Variants in KALRN observed in about 807,000 individuals in gnomAD.
The protein encoded by KALRN is kalirin.
A neutral mutation model predicts 353.7 loss-of-function variants in KALRN; 70 were observed. That is an observed-to-expected ratio of 0.20 (90% CI 0.16 to 0.24). KALRN has a LOEUF of 0.24. Ranked by LOEUF, KALRN falls within the 10% of genes least tolerant of loss-of-function variation. KALRN has a pLI of 1.00. For missense variants in KALRN, 2,791 were observed against 3,756.7 expected (o/e 0.74, Z 6.72); for synonymous variants, 1,391 against 1,434.8 (o/e 0.97, Z 0.69).
chr3:124,495,747 A>C (rs562586992), intron 32 of KALRN, among the ~76,000 whole-genome samples: 75 of 148,070 alleles, frequency 5.1e-4, no homozygotes, highest in African/African-American at 1.8e-3. Flanking sequence ...AAAAAAAAAA[A>C]AAAAGAAGAA....
chr3:124,141,757 G>C (rs532660148), intron 1 of KALRN, among the ~76,000 whole-genome samples: 1 of 152,268 alleles, frequency 6.6e-6, no homozygotes, highest in East Asian at 1.9e-4. Flanking sequence ...TTTGCCCCAG[G>C]AATCTGCCCT....
At chr3:124,243,293 C>T (rs915053787) in intron 3 of KALRN, among the ~76,000 whole-genome samples, 2 of 152,160 alleles carry the variant, frequency 1.3e-5, no homozygotes, top group African/African-American at 4.8e-5. Context: ...CTCATGGAAA[C>T]GCTGTGAACA....
chr3:124,058,958 TGTTA>T (rs2041787553), intron 1 of KALRN, among the ~76,000 whole-genome samples: 1 of 152,240 alleles, frequency 6.6e-6, no homozygotes, highest in Non-Finnish European at 1.5e-5. Context: ...CTCTGTTGAT[TGTTA>T]GTTTACACTT....
chr3:124,184,935 A>G (rs1287869461), intron 1 of KALRN, among the ~76,000 whole-genome samples: 1 of 152,202 alleles, frequency 6.6e-6, no homozygotes, highest in East Asian at 1.9e-4. Context: ...GTATGAATGC[A>G]TTTAAATGAT....
chr3:124,401,850 G>T (rs919292060), intron 13 of KALRN, among the ~76,000 whole-genome samples: 1 of 152,162 alleles, frequency 6.6e-6, no homozygotes, highest in Non-Finnish European at 1.5e-5. Flanking sequence ...ATTTTTGAGG[G>T]TGTTGAGATT....
chr3:124,174,707 A>G (rs1342718574), intron 1 of KALRN, among the ~76,000 whole-genome samples: 7 of 152,116 alleles, frequency 4.6e-5, no homozygotes, highest in Non-Finnish European at 8.8e-5. Context: ...AGCCTCTGCC[A>G]ACTCCTCTCC....
intron 36 of KALRN, 123 bp from the exon 37 acceptor site, chr3:124,637,085 G>T (rs1018797640): frequency 6.4e-6 from 5 of 776,792 alleles, no homozygotes; most frequent in Non-Finnish European, 1.1e-5. Flanking sequence ...CACCTCTTCC[G>T]TCTAAACACA....
At chr3:124,480,753 C>T (rs2061903535) in intron 27 of KALRN, among the ~76,000 whole-genome samples, 1 of 152,168 alleles carries the variant, frequency 6.6e-6, no homozygotes, top group Non-Finnish European at 1.5e-5. Context: ...TACTTTATGT[C>T]TCTACAGATA....
At chr3:124,061,224 C>T (rs1419613600) in intron 1 of KALRN, among the ~76,000 whole-genome samples, 1 of 152,190 alleles carries the variant, frequency 6.6e-6, no homozygotes, top group African/African-American at 2.4e-5. Flanking sequence ...TTCATTGCTG[C>T]ACTCAGATCT....
At chr3:124,227,671 T>TTG (rs1560289021) in intron 1 of KALRN, among the ~76,000 whole-genome samples, 2 of 20,428 alleles carry the variant, frequency 9.8e-5, no homozygotes, top group East Asian at 7.0e-4. Context: ...CTGTTTTTTT[T>TTG]TTTTTTTTTT....
chr3:124,329,539 T>C (rs909795728), intron 7 of KALRN, among the ~76,000 whole-genome samples: 3 of 152,166 alleles, frequency 2.0e-5, no homozygotes, highest in Non-Finnish European at 2.9e-5. Flanking sequence ...ATCCGTGGAA[T>C]GTGGTGAGCT....
Position 124,477,209 on chromosome 3 carries a change from T to C in KALRN, c.4102-36T>C, listed in dbSNP as rs2061510270. ...ATGGTGGACAGAAGGGAACAACTAA[T>C]GAATGCTTATCTATTATTATCTTTG... On this transcript the variant is annotated intron_variant, in intron 26 of 59. Coordinates refer to ENST00000682506, the MANE Select transcript of KALRN (RefSeq NM_001388419.1). 1.4e-6 allele frequency: 2 copies of C among 1,464,470 alleles called. 1 individual carries two copies. The highest frequency in any genetic ancestry group is 1.9e-6 in the Non-Finnish European group (2 of 1,044,216). 90.7% of individuals were successfully genotyped at this position (1,464,470 alleles called of 1,614,324 possible).
intron 1 of KALRN, among the ~76,000 whole-genome samples, chr3:124,202,302 T>C (rs1310098691): frequency 6.6e-6 from 1 of 152,178 alleles, no homozygotes; most frequent in Non-Finnish European, 1.5e-5. Context: ...CAAGGCTGGA[T>C]TGCAGTGGTG....
At chr3:124,617,547 A>G (rs1292007475) in intron 34 of KALRN, among the ~76,000 whole-genome samples, 2 of 152,248 alleles carry the variant, frequency 1.3e-5, no homozygotes, top group Non-Finnish European at 2.9e-5. Flanking sequence ...TAAAGGGTGT[A>G]TAAGCAGGGA....
At chr3:124,512,388 A>G (rs1225072501) in intron 33 of KALRN, among the ~76,000 whole-genome samples, 2 of 152,168 alleles carry the variant, frequency 1.3e-5, no homozygotes, top group African/African-American at 2.4e-5. Context: ...GCGGTGGCTT[A>G]CGCCTATAAT....
intron 55 of KALRN, among the ~76,000 whole-genome samples, chr3:124,698,464 C>A (rs2062165688): frequency 6.6e-6 from 1 of 152,186 alleles, no homozygotes; most frequent in Non-Finnish European, 1.5e-5. Context: ...TAAGATGATC[C>A]AAACCTCCCT....
intron 15 of KALRN, among the ~76,000 whole-genome samples, chr3:124,424,966 G>A (rs1027523986): frequency 6.6e-6 from 1 of 152,120 alleles, no homozygotes; most frequent in African/African-American, 2.4e-5. Flanking sequence ...GCCTCTGCTG[G>A]CCCCCACTCT....
chr3:124,568,016 A>G (rs1034977848), intron 34 of KALRN, among the ~76,000 whole-genome samples: 1 of 152,098 alleles, frequency 6.6e-6, no homozygotes, highest in African/African-American at 2.4e-5. Flanking sequence ...AGTGATTCTG[A>G]TGTTCCCTTA....
intron 5 of KALRN, among the ~76,000 whole-genome samples, chr3:124,278,957 C>G (rs978393106): frequency 2.6e-5 from 4 of 152,198 alleles, no homozygotes; most frequent in Admixed American, 2.6e-4. Context: ...TACCATTTTC[C>G]CTGTTCCTCT....
Sources: gnomAD v4.1 joint callset for allele counts (sites outside exome capture counted in the v4.1 genomes callset) on GRCh38, gnomAD v4.1.1 for gene constraint, MANE v1.5 for transcripts, NCBI Gene and HGNC (gene_info 2026-07-23, HGNC 2026-07-21) for gene names.